The following FAM13A variants were observed in gnomAD, a reference collection of about 807,000 sequenced individuals.
FAM13A encodes family with sequence similarity 13 member A.
Under a neutral mutation model 129.6 loss-of-function variants are expected in FAM13A, and 76 were observed. That is an observed-to-expected ratio of 0.59 (90% CI 0.49 to 0.71). FAM13A has a LOEUF of 0.71. Ranked by LOEUF, FAM13A falls within the 30% of genes least tolerant of loss-of-function variation. The probability of loss-of-function intolerance (pLI) is 0.00; values close to 1 mark genes in which losing one functional copy is unlikely to be tolerated. For synonymous variants in FAM13A, 443 were observed against 449.9 expected, an observed-to-expected ratio of 0.98 and a Z score of 0.20; for missense variants, 1,108 against 1,249.3, an observed-to-expected ratio of 0.89 and a Z score of 1.70.
chr4:88,893,587 C>T (rs966506115), intron 6 of FAM13A, among the ~76,000 whole-genome samples: 1 of 148,654 alleles, frequency 6.7e-6, no homozygotes, highest in Non-Finnish European at 1.5e-5. Context: ...TGTGCCACTG[C>T]ACTCCAGCCT....
chr4:88,750,032 A>G (rs1447749963), intron 15 of FAM13A, 123 bp from the exon 16 acceptor site: 3 of 899,104 alleles, frequency 3.3e-6, no homozygotes, highest in Non-Finnish European at 5.1e-6. Context: ...CGGAGACAAA[A>G]CAGCCTCTCT....
At chr4:88,791,306 A>G (rs1300005918) in intron 8 of FAM13A, among the ~76,000 whole-genome samples, 1 of 152,120 alleles carries the variant, frequency 6.6e-6, no homozygotes, top group Non-Finnish European at 1.5e-5. Context: ...TTAAAGCCTG[A>G]ATTCTTTTAA....
intron 6 of FAM13A, among the ~76,000 whole-genome samples, chr4:88,858,516 A>G (rs535774958): frequency 5.3e-5 from 8 of 152,352 alleles, no homozygotes; most frequent in Admixed American, 2.0e-4. Context: ...CAACTGACAT[A>G]TGGATAAGCA....
chr4:88,836,323 A>G (rs967294495), intron 7 of FAM13A, among the ~76,000 whole-genome samples: 3 of 152,212 alleles, frequency 2.0e-5, no homozygotes, highest in African/African-American at 7.2e-5. Flanking sequence ...ATACATTTCT[A>G]TGACATTTCT....
intron 7 of FAM13A, among the ~76,000 whole-genome samples, chr4:88,848,172 ATTC>A: frequency 6.6e-6 from 1 of 152,236 alleles, no homozygotes; most frequent in African/African-American, 2.4e-5. Context: ...GCCAAGGCTA[ATTC>A]TTCTATTGCT....
intron 4 of FAM13A, among the ~76,000 whole-genome samples, chr4:88,952,858 G>A (rs556542672): frequency 5.9e-5 from 9 of 152,260 alleles, no homozygotes; most frequent in Non-Finnish European, 1.2e-4. Flanking sequence ...TGAGGAAGGA[G>A]AATCGCTTAA....
Position 88,925,083 on chromosome 4 carries a change from AG to A in FAM13A, c.759+13004del, listed in dbSNP as rs543914370. On this transcript the variant is annotated intron_variant, in intron 5 of 23. Coordinates refer to ENST00000264344, the MANE Select transcript of FAM13A (RefSeq NM_014883.4). ...GGTGCTGGAGAGGATGTGGAGAAATAGGAACACTTTTACACTGTTGGTGGGA... is the reference window on the plus strand; with the variant it reads ...GGTGCTGGAGAGGATGTGGAGAAATAGAACACTTTTACACTGTTGGTGGGA... Among the ~76,000 whole-genome samples, 197 of 150,820 alleles carry A rather than the reference AG, an allele frequency of 1.3e-3. 2 individuals are homozygous for A. Among genetic ancestry groups the A allele is most frequent in the African/African-American group, 4.3e-3 (176 of 41,076 alleles).
At chr4:88,866,439 C>A (rs1740461193) in intron 6 of FAM13A, among the ~76,000 whole-genome samples, 1 of 152,202 alleles carries the variant, frequency 6.6e-6, no homozygotes, top group Non-Finnish European at 1.5e-5. Flanking sequence ...CTTGACCTCC[C>A]AAAGTTCTGG....
chr4:89,021,000 T>A (rs2149109444), intron 2 of FAM13A, among the ~76,000 whole-genome samples: 1 of 152,324 alleles, frequency 6.6e-6, no homozygotes, highest in East Asian at 1.9e-4. Flanking sequence ...AAAAACTTAC[T>A]CAGGGCTCTA....
At chr4:88,795,498 T>G (rs1259329441) in intron 8 of FAM13A, among the ~76,000 whole-genome samples, 1 of 151,842 alleles carries the variant, frequency 6.6e-6, no homozygotes, top group Non-Finnish European at 1.5e-5. Flanking sequence ...GTTTAGTTTT[T>G]ACACTAAGGT....
At chr4:88,822,317 A>G (rs1175078607) in intron 7 of FAM13A, among the ~76,000 whole-genome samples, 1 of 151,986 alleles carries the variant, frequency 6.6e-6, no homozygotes, top group Non-Finnish European at 1.5e-5. Flanking sequence ...GTTTAAATTT[A>G]CCTTTCTCTG....
At chr4:88,975,344 T>C (rs1458403399) in intron 4 of FAM13A, among the ~76,000 whole-genome samples, 3 of 152,184 alleles carry the variant, frequency 2.0e-5, no homozygotes, top group Non-Finnish European at 4.4e-5. Context: ...ATTACATAAG[T>C]GCACACACAT....
chr4:88,820,413 G>T (rs1340388089), intron 7 of FAM13A, among the ~76,000 whole-genome samples: 1 of 152,076 alleles, frequency 6.6e-6, no homozygotes, highest in African/African-American at 2.4e-5. Flanking sequence ...AATTACCTTA[G>T]GATAACTGGC....
chr4:88,900,733 C>T (rs4693975), intron 6 of FAM13A, among the ~76,000 whole-genome samples: 44,391 of 151,936 alleles, frequency 0.29, 6,851 homozygotes, highest in African/African-American at 0.39. Context: ...AAAGCAACCA[C>T]GTAAACAAGT....
At chr4:88,995,197 G>C (rs114190743) in intron 3 of FAM13A, among the ~76,000 whole-genome samples, 2,207 of 152,096 alleles carry the variant, frequency 0.015, 70 homozygotes, top group African/African-American at 0.051. Context: ...TATACAAACA[G>C]TATATTTGTT....
intron 14 of FAM13A, among the ~76,000 whole-genome samples, chr4:88,751,769 G>A (rs530643421): frequency 2.6e-5 from 4 of 152,198 alleles, no homozygotes; most frequent in South Asian, 4.2e-4. Flanking sequence ...AATAGATGTC[G>A]ATGATATAAG....
intron 7 of FAM13A, among the ~76,000 whole-genome samples, chr4:88,819,957 G>GT (rs1406846296): frequency 6.6e-6 from 1 of 152,154 alleles, no homozygotes; most frequent in Non-Finnish European, 1.5e-5. Flanking sequence ...CCTCTGCCAT[G>GT]TTTTTTCTAA....
chr4:88,924,846 A>G (rs1408362474), intron 5 of FAM13A, among the ~76,000 whole-genome samples: 1 of 151,338 alleles, frequency 6.6e-6, no homozygotes, highest in Non-Finnish European at 1.5e-5. Flanking sequence ...ATGAACTCAA[A>G]CAAATTTACA....
At chr4:89,056,867 A>C (rs1229090025) in intron 1 of FAM13A, 71 bp downstream of exon 1, 4 of 1,444,938 alleles carry the variant, frequency 2.8e-6, no homozygotes, top group Non-Finnish European at 2.9e-6. Context: ...ATCTCATCAA[A>C]ACAAGGAAGG....
Sources: allele counts gnomAD v4.1 joint callset (sites outside exome capture counted in the v4.1 genomes callset), GRCh38; gene constraint gnomAD v4.1.1; transcripts MANE v1.5; gene names NCBI Gene and HGNC (gene_info 2026-07-23, HGNC 2026-07-21).